The following FAM227B variants were observed in gnomAD, a reference collection of about 807,000 sequenced individuals.
FAM227B encodes family with sequence similarity 227 member B, also known as protein FAM227B.
Under a neutral mutation model 73.8 loss-of-function variants are expected in FAM227B, and 88 were observed. The observed-to-expected ratio is 1.19, with a 90% confidence interval of 1.00 to 1.42. The LOEUF is 1.42. Ranked by LOEUF, FAM227B falls within the 40% of genes most tolerant of loss-of-function variation. The pLI, the probability that FAM227B is intolerant of heterozygous loss-of-function variation, is 0.00. For synonymous variants in FAM227B, 210 were observed against 190.5 expected (o/e 1.10, Z -0.84); for missense variants, 632 against 590.9 (o/e 1.07, Z -0.72).
intron 13 of FAM227B, chr15:49,365,435 C>T: frequency 1.1e-6 from 1 of 943,516 alleles, no homozygotes; most frequent in Middle Eastern, 2.3e-4. Context: ...AAGCAACAGG[C>T]CTGTACAATA....
At chr15:49,365,535 C>T in intron 13 of FAM227B, 1 of 859,778 alleles carries the variant, frequency 1.2e-6, no homozygotes, top group South Asian at 1.3e-5. Context: ...TGACTACTGG[C>T]AATGTTTCAG....
In FAM227B at chr15:49,369,410, T is replaced by A. The variant is rs913360063; in HGVS notation, c.1111-1802A>T. On this transcript the variant is annotated intron_variant, in intron 12 of 15. Coordinates refer to ENST00000299338, the MANE Select transcript of FAM227B (RefSeq NM_152647.3). ...GAAATTTGTCAGAGCACTTTAAGAT[T>A]CCATGAAACAAGACTTTTATTGTCA... 7.9e-5 allele frequency among the ~76,000 whole-genome samples: 12 copies of A among 152,224 alleles called. 1 individual carries two copies. Among genetic ancestry groups the A allele is most frequent in the Non-Finnish European group, 1.6e-4 (11 of 68,002 alleles).
intron 5 of FAM227B, among the ~76,000 whole-genome samples, chr15:49,587,446 A>G (rs2076236095): frequency 2.0e-5 from 3 of 152,168 alleles, no homozygotes; most frequent in Non-Finnish European, 2.9e-5. Flanking sequence ...AAGTTTATTT[A>G]TATAACAAAC....
intron 11 of FAM227B, among the ~76,000 whole-genome samples, chr15:49,489,840 TTTATA>T (rs2056825152): frequency 1.8e-4 from 4 of 21,834 alleles, no homozygotes; most frequent in African/African-American, 6.8e-4. Context: ...ATATATATAT[TTTATA>T]TATATATATA....
In FAM227B at chr15:49,457,420, T is replaced by TG. The variant is rs1202431767; in HGVS notation, c.1012+50790dup. The stretch of plus-strand genomic sequence containing the variant: ...ATTCAAATTTCAAAGCTGAATGGTT[T>TG]GGAAAATTATGATGCCATTAACTAA... On this transcript the variant is annotated intron_variant, in intron 11 of 15. Transcript: ENST00000299338. 2.6e-5 allele frequency among the ~76,000 whole-genome samples: 4 copies of TG among 152,150 alleles called. No individual in the cohort carries two copies. In the East Asian group the frequency reaches 7.7e-4, roughly 29 times the overall value.
At chr15:49,338,582 G>C (rs2040174768) in intron 13 of FAM227B, among the ~76,000 whole-genome samples, 1 of 152,072 alleles carries the variant, frequency 6.6e-6, no homozygotes, top group South Asian at 2.1e-4. Flanking sequence ...TTCAACCTTG[G>C]TGAATCTGAC....
At chr15:49,392,116 T>C (rs1460311519) in intron 11 of FAM227B, among the ~76,000 whole-genome samples, 2 of 152,152 alleles carry the variant, frequency 1.3e-5, no homozygotes, top group Non-Finnish European at 2.9e-5. Flanking sequence ...CAGGTCATAC[T>C]TGTGGAAAAA....
chr15:49,606,397 C>A (rs1285695419), intron 3 of FAM227B, among the ~76,000 whole-genome samples: 3 of 152,062 alleles, frequency 2.0e-5, no homozygotes, highest in Non-Finnish European at 4.4e-5. Flanking sequence ...AATTAAAAAC[C>A]TAGCTACCAT....
chr15:49,502,229 G>C (rs1227310909), intron 11 of FAM227B, among the ~76,000 whole-genome samples: 1 of 152,232 alleles, frequency 6.6e-6, no homozygotes, highest in East Asian at 1.9e-4. Context: ...TGAGAAGGGG[G>C]CCACTGCCCT....
chr15:49,353,531 T>G (rs2042562442), intron 13 of FAM227B: 2 of 152,150 alleles, frequency 1.3e-5, no homozygotes, highest in Admixed American at 6.5e-5. Flanking sequence ...AGTTAACGTG[T>G]GCTTTCCATT....
chr15:49,504,362 A>T (rs2058405579), intron 11 of FAM227B, among the ~76,000 whole-genome samples: 1 of 151,896 alleles, frequency 6.6e-6, no homozygotes. Flanking sequence ...CCAACATGGC[A>T]CATGTATACA....
At chr15:49,475,026 T>C (rs1357205652) in intron 11 of FAM227B, among the ~76,000 whole-genome samples, 2 of 152,240 alleles carry the variant, frequency 1.3e-5, no homozygotes, top group Middle Eastern at 3.4e-3. Context: ...TTTCAGACAA[T>C]GGTATGGAAA....
At chr15:49,487,274 T>A (rs1025593426) in intron 11 of FAM227B, 4 of 151,888 alleles carry the variant, frequency 2.6e-5, no homozygotes, top group Admixed American at 2.0e-4. Flanking sequence ...GTAAGCCTTT[T>A]AAAAATGTTC....
chr15:49,615,051 C>G (rs770749220), intron 2 of FAM227B, 70 bp downstream of exon 2: 43 of 1,434,300 alleles, frequency 3.0e-5, no homozygotes, highest in Non-Finnish European at 4.0e-5. Context: ...CCTGGGAGCC[C>G]TGATTACCTG....
intron 13 of FAM227B, among the ~76,000 whole-genome samples, chr15:49,355,695 A>G (rs2043034775): frequency 6.6e-6 from 1 of 151,348 alleles, no homozygotes; most frequent in Non-Finnish European, 1.5e-5. Flanking sequence ...AACTTCCCCA[A>G]TCTAGCAAGG....
intron 9 of FAM227B, among the ~76,000 whole-genome samples, chr15:49,549,859 C>T (rs1251834728): frequency 6.6e-6 from 1 of 152,060 alleles, no homozygotes; most frequent in Non-Finnish European, 1.5e-5. Flanking sequence ...GGGGTGGTGG[C>T]CGGGCAGAGG....
At chr15:49,588,615 TA>T (rs1432969704) in intron 4 of FAM227B, among the ~76,000 whole-genome samples, 3 of 127,162 alleles carry the variant, frequency 2.4e-5, no homozygotes, top group Non-Finnish European at 4.9e-5. Context: ...TTACCTTTTT[TA>T]AAAAACAGAA....
intron 1 of FAM227B, among the ~76,000 whole-genome samples, chr15:49,618,414 T>G (rs2153346218): frequency 6.6e-6 from 1 of 152,362 alleles, no homozygotes; most frequent in African/African-American, 2.4e-5. Context: ...ACTGTGATGC[T>G]TTAGCAGTTT....
chr15:49,338,679 C>T (rs1423126888), intron 13 of FAM227B, among the ~76,000 whole-genome samples: 3 of 105,088 alleles, frequency 2.9e-5, no homozygotes, highest in Admixed American at 2.8e-4. Context: ...GCCTGCCTTG[C>T]TAGGTTGGGG....
Sources: gnomAD v4.1 joint callset for allele counts (sites outside exome capture counted in the v4.1 genomes callset) on GRCh38, gnomAD v4.1.1 for gene constraint, MANE v1.5 for transcripts, NCBI Gene and HGNC (gene_info 2026-07-23, HGNC 2026-07-21) for gene names.